The following SNX29 variants were observed in gnomAD, a reference collection of about 807,000 sequenced individuals.
SNX29 encodes sorting nexin-29.
In SNX29, 78 loss-of-function variants were observed where a neutral mutation model predicts 102.1. The ratio of observed to expected loss-of-function variants is 0.76; its 90% CI spans 0.64 to 0.92. SNX29 has a LOEUF of 0.92. Among genes scored for constraint, SNX29 ranks in the 40% least tolerant of loss-of-function variants. SNX29 has a pLI of 0.00. For synonymous variants in SNX29, 580 were observed against 414.5 expected, an observed-to-expected ratio of 1.40 and a Z score of -4.85; for missense variants, 1,280 against 1,061.7, an observed-to-expected ratio of 1.21 and a Z score of -2.86.
intron 15 of SNX29, among the ~76,000 whole-genome samples, chr16:12,330,531 C>G (rs1216366855): frequency 6.6e-6 from 1 of 152,190 alleles, no homozygotes; most frequent in Non-Finnish European, 1.5e-5. Flanking sequence ...GTTTAATCCT[C>G]CCGACAGCTC....
intron 16 of SNX29, among the ~76,000 whole-genome samples, chr16:12,361,404 T>C (rs2082295984): frequency 6.6e-6 from 1 of 152,274 alleles, no homozygotes; most frequent in Non-Finnish European, 1.5e-5. Flanking sequence ...ATCATTCTCA[T>C]TGTGGATAAT....
chr16:12,068,565 A>C (rs11641533), intron 9 of SNX29, among the ~76,000 whole-genome samples: 3 of 151,028 alleles, frequency 2.0e-5, no homozygotes, highest in Admixed American at 6.6e-5. Context: ...AAAATTTTTA[A>C]TGGAGCTTCG....
chr16:12,174,941 C>T (rs1025674821), intron 13 of SNX29, among the ~76,000 whole-genome samples: 3 of 149,588 alleles, frequency 2.0e-5, no homozygotes, highest in Non-Finnish European at 4.5e-5. Context: ...AAAAAAAAAA[C>T]AACCAATTAT....
At chr16:12,058,594 A>T (rs1249168008) in intron 8 of SNX29, among the ~76,000 whole-genome samples, 1 of 148,758 alleles carries the variant, frequency 6.7e-6, no homozygotes, top group Non-Finnish European at 1.5e-5. Flanking sequence ...CTCGAGTTCA[A>T]GTGATTCTCC....
intron 15 of SNX29, among the ~76,000 whole-genome samples, chr16:12,323,304 C>T (rs1320803925): frequency 6.6e-6 from 1 of 151,872 alleles, no homozygotes; most frequent in Non-Finnish European, 1.5e-5. Context: ...TTGAGTCATT[C>T]CTTTTCTCCA....
At chr16:12,289,869 G>A (rs1447682935) in intron 15 of SNX29, among the ~76,000 whole-genome samples, 1 of 152,022 alleles carries the variant, frequency 6.6e-6, no homozygotes, top group Non-Finnish European at 1.5e-5. Flanking sequence ...AAGAGATGTA[G>A]TCCTGTCAAG....
intron 16 of SNX29, among the ~76,000 whole-genome samples, chr16:12,396,436 G>A (rs2083724687): frequency 6.6e-6 from 1 of 152,294 alleles, no homozygotes; most frequent in East Asian, 1.9e-4. Context: ...GTGTGTAGCA[G>A]TGGAGCTGGT....
intron 9 of SNX29, among the ~76,000 whole-genome samples, chr16:12,066,600 C>T (rs2151290775): frequency 6.6e-6 from 1 of 152,226 alleles, no homozygotes; most frequent in African/African-American, 2.4e-5. Context: ...CAAGACCTTG[C>T]CAGATGTGCC....
At chr16:12,546,774 C>G (rs981777439) in intron 20 of SNX29, 2 of 102,842 alleles carry the variant, frequency 1.9e-5, no homozygotes, top group Admixed American at 1.8e-4. Flanking sequence ...ACCTTCCATG[C>G]AACAAAGGAA....
At chr16:12,218,946 T>A (rs2077398103) in intron 14 of SNX29, among the ~76,000 whole-genome samples, 1 of 152,154 alleles carries the variant, frequency 6.6e-6, no homozygotes, top group Non-Finnish European at 1.5e-5. Context: ...GGCTAATTTT[T>A]TGTATTTTTA....
At chr16:12,199,759 A>G (rs117505105) in intron 14 of SNX29, 76 bp downstream of exon 14, 13 of 1,209,072 alleles carry the variant, frequency 1.1e-5, no homozygotes, top group Middle Eastern at 2.3e-4. Flanking sequence ...CGCAATAGAC[A>G]CTCAATGTGT....
chr16:12,013,038 G>A (rs535175115), intron 3 of SNX29, among the ~76,000 whole-genome samples: 15 of 151,764 alleles, frequency 9.9e-5, no homozygotes, highest in Non-Finnish European at 2.2e-4. Context: ...GGTGGGGTGA[G>A]ATGGAATCTG....
At chr16:12,255,393 T>C (rs528307262) in intron 14 of SNX29, among the ~76,000 whole-genome samples, 1 of 152,052 alleles carries the variant, frequency 6.6e-6, no homozygotes, top group Non-Finnish European at 1.5e-5. Context: ...GGTTTCGCCA[T>C]ATTAACCAGG....
intron 20 of SNX29, among the ~76,000 whole-genome samples, chr16:12,566,841 A>G (rs985316906): frequency 6.6e-6 from 1 of 152,208 alleles, no homozygotes; most frequent in Non-Finnish European, 1.5e-5. Context: ...TCAAGGTCAA[A>G]TGTTTCTTTT....
intron 16 of SNX29, among the ~76,000 whole-genome samples, chr16:12,378,294 G>C (rs558067280): frequency 1.3e-5 from 2 of 152,154 alleles, no homozygotes; most frequent in South Asian, 4.1e-4. Flanking sequence ...AGATCACATC[G>C]ATAAGAGTGA....
chr16:12,360,531 G>C (rs1445767801), intron 16 of SNX29, among the ~76,000 whole-genome samples: 1 of 152,144 alleles, frequency 6.6e-6, no homozygotes, highest in Non-Finnish European at 1.5e-5. Context: ...GTGGTGGTGT[G>C]TGTTTCCATC....
chr16:11,990,453 G>T (rs1335732023), intron 1 of SNX29, among the ~76,000 whole-genome samples: 2 of 152,120 alleles, frequency 1.3e-5, no homozygotes, highest in Non-Finnish European at 1.5e-5. Flanking sequence ...GCACTGCGGG[G>T]GTCCCTCCTG....
chr16:12,261,769 G>C (rs1051337531), intron 14 of SNX29, among the ~76,000 whole-genome samples: 2 of 132,574 alleles, frequency 1.5e-5, no homozygotes, highest in African/African-American at 2.9e-5. Flanking sequence ...TGCGTCCCCG[G>C]CTGGAGTGAG....
chr16:12,077,211 C>G (rs1460659308), intron 10 of SNX29, among the ~76,000 whole-genome samples: 1 of 151,776 alleles, frequency 6.6e-6, no homozygotes, highest in African/African-American at 2.4e-5. Flanking sequence ...CCCAGGAGTT[C>G]AAGCCTTCAG....
Sources: gnomAD v4.1 joint callset for allele counts (sites outside exome capture counted in the v4.1 genomes callset) on GRCh38, gnomAD v4.1.1 for gene constraint, MANE v1.5 for transcripts, NCBI Gene and HGNC (gene_info 2026-07-23, HGNC 2026-07-21) for gene names.